MIPEP: variants seen among roughly 807,000 people sequenced by gnomAD.
MIPEP encodes the protein mitochondrial intermediate peptidase.
MIPEP carries 79 observed loss-of-function variants against 90.3 expected under a neutral mutation model. The observed-to-expected ratio is 0.87, with a 90% CI of 0.73 to 1.05. MIPEP has a LOEUF of 1.05. Ranked by LOEUF, MIPEP falls within the 50% of genes least tolerant of loss-of-function variation. The probability of loss-of-function intolerance (pLI) is 0.00; values close to 1 mark genes in which losing one functional copy is unlikely to be tolerated. For missense variants in MIPEP, 940 were observed against 905.6 expected, an observed-to-expected ratio of 1.04 and a Z score of -0.49; for synonymous variants, 334 against 315.8, an observed-to-expected ratio of 1.06 and a Z score of -0.61.
At chr13:23,872,732 C>A (rs9578653) in intron 5 of MIPEP, among the ~76,000 whole-genome samples, 37,653 of 151,914 alleles carry the variant, frequency 0.25, 4,879 homozygotes, top group East Asian at 0.45. Context: ...ACACTGTAAT[C>A]ATATGTTAGA....
At position 23,760,174 on chromosome 13, in the gene MIPEP, C is replaced by T. The variant is rs1952526075; in HGVS notation, c.1892G>A (p.Arg631Lys). The T allele has an allele frequency of 6.2e-7, 1 of 1,614,120 alleles. No individual in the cohort carries two copies. Among genetic ancestry groups the T allele is most frequent in the East Asian group, 2.2e-5 (1 of 44,874 alleles). The change falls in exon 17 of 19, where the codon AGA (arginine) becomes AAA (lysine). Residue 631 changes from arginine to lysine, a missense_variant. Transcript: ENST00000382172. ...TCTGGACATGAGGTAAGAGTAATAT[C>T]TAGCACCATACCCCACGAGGTGGCT... ...RFSHLVGYGA[R>K]YYSYLMSRAV...
intron 18 of MIPEP, among the ~76,000 whole-genome samples, chr13:23,734,853 T>C (rs899847141): frequency 9.9e-5 from 15 of 152,130 alleles, no homozygotes; most frequent in South Asian, 6.2e-4. Flanking sequence ...TTTAGGCAGA[T>C]AGAGAGGAAA....
chr13:23,794,593 A>G (rs1219288719), intron 16 of MIPEP, among the ~76,000 whole-genome samples: 1 of 152,210 alleles, frequency 6.6e-6, no homozygotes, highest in African/African-American at 2.4e-5. Context: ...TTTACCTGGT[A>G]AAGAAATAAC....
rs1182689983 is a variant in MIPEP, at chr13:23,886,410, A to G, written c.286T>C (p.Cys96Arg). 2.5e-6 allele frequency: 4 copies of G among 1,609,096 alleles called. No homozygotes were observed. Among genetic ancestry groups the G allele is most frequent in the East Asian group, 2.2e-5 (1 of 44,466 alleles). ...RKTELLVDRACSTPPGPQTVL... is the reference protein window; with the variant it reads ...RKTELLVDRARSTPPGPQTVL... ...GTCTGGGGCCCAGGTGGGGTGGAAC[A>G]TGCACGGTCCACAAGCAATTCTGTC... Residue 96 changes from cysteine to arginine, a missense_variant, in exon 2 of 19, where the codon TGT (cysteine) becomes CGT (arginine). Transcript: ENST00000382172.
At chr13:23,836,178 G>C (rs941618183) in intron 14 of MIPEP, 62 bp downstream of exon 14, 4 of 1,034,764 alleles carry the variant, frequency 3.9e-6, no homozygotes, top group Non-Finnish European at 5.7e-6. Flanking sequence ...AATTTATCCA[G>C]GATGTCATAA....
At chr13:23,753,117 A>T (rs572601338) in intron 18 of MIPEP, among the ~76,000 whole-genome samples, 1 of 151,968 alleles carries the variant, frequency 6.6e-6, no homozygotes, top group East Asian at 1.9e-4. Flanking sequence ...GGTCCCAGCT[A>T]CTCAGGAGGC....
intron 18 of MIPEP, among the ~76,000 whole-genome samples, chr13:23,750,578 T>C (rs1004536186): frequency 3.3e-5 from 5 of 152,230 alleles, no homozygotes; most frequent in Non-Finnish European, 7.3e-5. Context: ...TCACTGATGC[T>C]GACCTTGATC....
chr13:23,839,099 G>A (rs1869183353), intron 12 of MIPEP, among the ~76,000 whole-genome samples: 2 of 152,238 alleles, frequency 1.3e-5, no homozygotes. Flanking sequence ...AAGAAAAGGA[G>A]ATGAGCTGCC....
At chr13:23,743,025 C>T (rs1593127517) in intron 18 of MIPEP, among the ~76,000 whole-genome samples, 1 of 152,152 alleles carries the variant, frequency 6.6e-6, no homozygotes, top group East Asian at 1.9e-4. Context: ...CTGCGATTCA[C>T]TCAAATATAC....
At chr13:23,737,280 C>A (rs2138482970) in intron 18 of MIPEP, among the ~76,000 whole-genome samples, 1 of 152,302 alleles carries the variant, frequency 6.6e-6, no homozygotes, top group East Asian at 1.9e-4. Flanking sequence ...ACACTCATGA[C>A]CAGGACAGGC....
chr13:23,774,784 CTTTTTTTTTT>C (rs67628137), intron 16 of MIPEP, among the ~76,000 whole-genome samples: 10 of 68,250 alleles, frequency 1.5e-4, no homozygotes, highest in Admixed American at 6.8e-4. Context: ...TTTATCAGTT[CTTTTTTTTTT>C]TTTTTTTTTT....
intron 18 of MIPEP, among the ~76,000 whole-genome samples, chr13:23,734,813 G>T (rs546611573): frequency 6.6e-6 from 1 of 152,138 alleles, no homozygotes; most frequent in Non-Finnish European, 1.5e-5. Flanking sequence ...TCCACAGGGG[G>T]GAATGTTGTA....
At chr13:23,844,586 T>C (rs1373894550) in intron 10 of MIPEP, among the ~76,000 whole-genome samples, 1 of 152,154 alleles carries the variant, frequency 6.6e-6, no homozygotes, top group African/African-American at 2.4e-5. Context: ...AAGCAATTCA[T>C]TTTTTTGTTT....
At chr13:23,759,399 A>AT (rs1952516761) in intron 17 of MIPEP, among the ~76,000 whole-genome samples, 1 of 141,456 alleles carries the variant, frequency 7.1e-6, no homozygotes, top group Admixed American at 7.0e-5. Context: ...ACAGCACAGG[A>AT]TCCCCCGCAA....
intron 18 of MIPEP, among the ~76,000 whole-genome samples, chr13:23,743,914 G>T (rs1037888339): frequency 3.3e-5 from 5 of 152,154 alleles, no homozygotes; most frequent in African/African-American, 7.2e-5. Context: ...CAGAGGCTAC[G>T]TTGGGTAAAT....
intron 3 of MIPEP, among the ~76,000 whole-genome samples, chr13:23,879,637 A>C (rs894818043): frequency 6.6e-6 from 1 of 151,890 alleles, no homozygotes; most frequent in African/African-American, 2.4e-5. Context: ...GGCTCAAGTG[A>C]TCCTTCCACC....
At chr13:23,852,775 CAGA>C (rs1214289802) in intron 10 of MIPEP, among the ~76,000 whole-genome samples, 1 of 152,152 alleles carries the variant, frequency 6.6e-6, no homozygotes, top group African/African-American at 2.4e-5. Flanking sequence ...GGAGGGATTC[CAGA>C]AGAAGGCATT....
intron 4 of MIPEP, 65 bp from the exon 5 acceptor site, chr13:23,874,974 T>A: frequency 1.4e-5 from 20 of 1,444,752 alleles, no homozygotes; most frequent in South Asian, 7.8e-5. Flanking sequence ...AAATTGTGGT[T>A]TTTTGTTAAA....
At chr13:23,841,984 C>A (rs904528663) in intron 10 of MIPEP, among the ~76,000 whole-genome samples, 4 of 152,106 alleles carry the variant, frequency 2.6e-5, no homozygotes, top group African/African-American at 7.2e-5. Context: ...AAAATGCCTG[C>A]AATATAAATA....
Sources: allele counts gnomAD v4.1 joint callset (sites outside exome capture counted in the v4.1 genomes callset), GRCh38; gene constraint gnomAD v4.1.1; transcripts MANE v1.5; gene names NCBI Gene and HGNC (gene_info 2026-07-23, HGNC 2026-07-21).